Variants in TANK observed in about 807,000 individuals in gnomAD.
The protein encoded by TANK is TRAF family member associated NFKB activator.
A neutral mutation model predicts 43.6 loss-of-function variants in TANK; 15 were observed. The ratio of observed to expected loss-of-function variants is 0.34; its 90% CI spans 0.23 to 0.53. The LOEUF is 0.53. TANK is among the 20% of genes least tolerant of loss of function. TANK has a pLI of 0.94. For synonymous variants in TANK, 162 were observed against 178.2 expected (o/e 0.91, Z 0.73); for missense variants, 417 against 498.6 (o/e 0.84, Z 1.56).
intron 4 of TANK, among the ~76,000 whole-genome samples, chr2:161,217,586 T>TGTGA (rs1491492946): frequency 0.03 from 377 of 12,458 alleles, 2 homozygotes; most frequent in African/African-American, 0.06. Context: ...GTAGTTGGTT[T>TGTGA]GTGTGTGTGT....
intron 2 of TANK, among the ~76,000 whole-genome samples, chr2:161,195,745 A>G (rs1384243139): frequency 6.6e-6 from 1 of 152,110 alleles, no homozygotes; most frequent in East Asian, 1.9e-4. Context: ...TCCATTAAGG[A>G]TGTGGTAATA....
intron 1 of TANK, among the ~76,000 whole-genome samples, chr2:161,164,443 A>T (rs1422069001): frequency 6.6e-6 from 1 of 152,176 alleles, no homozygotes; most frequent in Non-Finnish European, 1.5e-5. Flanking sequence ...AAATACAGGG[A>T]AAGAGGAGGC....
At chr2:161,221,911 G>A (rs1484541495) in intron 4 of TANK, among the ~76,000 whole-genome samples, 1 of 152,050 alleles carries the variant, frequency 6.6e-6, no homozygotes, top group African/African-American at 2.4e-5. Context: ...GTTTAGATAC[G>A]TCATAGGAAT....
At position 161,179,679 on chromosome 2, in the gene TANK, G is replaced by A; in HGVS notation, c.17G>A (p.Gly6Asp). 1 of 1,613,166 alleles carries A rather than the reference G, an allele frequency of 6.2e-7. No individual in the cohort carries two copies. The change falls in exon 2 of 8, where the codon GGC becomes GAC. Residue 6 changes from glycine to aspartate, a missense_variant. Coordinates refer to ENST00000392749, the MANE Select transcript of TANK (RefSeq NM_001199135.3). ...CGAAGAGGAATGGATAAAAACATTG[G>A]CGAGCAACTCAATAAAGCGTATGAA... MDKNI[G>D]EQLNKAYEAF...
chr2:161,204,932 A>G, intron 4 of TANK, 139 bp downstream of exon 4: 5 of 1,444,682 alleles, frequency 3.5e-6, no homozygotes, highest in Non-Finnish European at 4.5e-6. Flanking sequence ...AATATTTCTA[A>G]ATAGAAGAAC....
Position 161,224,626 on chromosome 2 carries a change from T to C in TANK, c.405-5T>C, listed in dbSNP as rs780038987. Reference sequence around the variant, plus strand: ...ACATTTTAAAATGTTGATTTTTTTTTTTAGGGGTAATATAGAGAAGACTTT... The same window carrying C: ...ACATTTTAAAATGTTGATTTTTTTTCTTAGGGGTAATATAGAGAAGACTTT... On this transcript the variant is annotated splice_region_variant and splice_polypyrimidine_tract_variant and intron_variant, in intron 5 of 7. Transcript: ENST00000392749. 71 of 1,394,450 alleles carry C rather than the reference T, an allele frequency of 5.1e-5. No homozygotes were observed. The highest frequency in any genetic ancestry group is 6.3e-5 in the Non-Finnish European group (65 of 1,032,548). The allele number at this position is 1,394,450 out of a possible 1,614,324, so 86.4% of individuals were successfully genotyped here.
At chr2:161,185,660 A>T (rs1235430288) in intron 2 of TANK, among the ~76,000 whole-genome samples, 1 of 142,522 alleles carries the variant, frequency 7.0e-6, no homozygotes, top group African/African-American at 2.6e-5. Flanking sequence ...GGAATTGAAC[A>T]ATGAGATCAC....
intron 4 of TANK, chr2:161,219,839 C>A (rs1295177277): frequency 1.2e-5 from 5 of 400,952 alleles, no homozygotes; most frequent in Admixed American, 1.2e-4. Flanking sequence ...TCTCAAAAAT[C>A]TAAGTGACAA....
chr2:161,161,768 G>A (rs925525089), intron 1 of TANK: 1 of 189,638 alleles, frequency 5.3e-6, no homozygotes, highest in Non-Finnish European at 1.1e-5. Context: ...TGTCCTGTCC[G>A]TATATATTGC....
At chr2:161,185,438 G>A (rs779391389) in intron 2 of TANK, among the ~76,000 whole-genome samples, 11 of 151,838 alleles carry the variant, frequency 7.2e-5, no homozygotes, top group Non-Finnish European at 1.5e-4. Flanking sequence ...AAGCTTGACT[G>A]TGCAGAAGAT....
intron 5 of TANK, among the ~76,000 whole-genome samples, chr2:161,224,338 G>T (rs1196727670): frequency 2.0e-5 from 3 of 151,942 alleles, no homozygotes; most frequent in Non-Finnish European, 4.4e-5. Context: ...TCAATGCATT[G>T]AAATTTCTAA....
intron 2 of TANK, chr2:161,180,102 C>A: frequency 9.9e-7 from 1 of 1,006,904 alleles, no homozygotes; most frequent in Non-Finnish European, 1.2e-6. Context: ...TCACTGTCTC[C>A]ATTTGTTTGG....
chr2:161,188,479 A>G (rs1406393320), intron 2 of TANK, among the ~76,000 whole-genome samples: 1 of 152,216 alleles, frequency 6.6e-6, no homozygotes, highest in Admixed American at 6.6e-5. Flanking sequence ...AATCATGAAG[A>G]AAATGAAAAT....
chr2:161,213,472 G>A (rs1172890279), intron 4 of TANK, among the ~76,000 whole-genome samples: 3 of 151,890 alleles, frequency 2.0e-5, no homozygotes, highest in South Asian at 2.1e-4. Context: ...GCATGATGGT[G>A]GGTGCTTGTA....
intron 4 of TANK, among the ~76,000 whole-genome samples, chr2:161,219,527 A>G (rs1574055625): frequency 6.6e-6 from 1 of 152,336 alleles, no homozygotes; most frequent in Admixed American, 6.5e-5. Flanking sequence ...TGAGAGAACC[A>G]TAGATTTTAT....
chr2:161,163,784 A>G (rs933529156), intron 1 of TANK, among the ~76,000 whole-genome samples: 2 of 152,230 alleles, frequency 1.3e-5, no homozygotes, highest in Non-Finnish European at 2.9e-5. Context: ...AATCATTAGC[A>G]TAGTTCAGGT....
chr2:161,146,533 GCTGT>G (rs1358372951), intron 1 of TANK, among the ~76,000 whole-genome samples: 9 of 152,096 alleles, frequency 5.9e-5, no homozygotes, highest in Non-Finnish European at 1.2e-4. Context: ...TGTTGTTGTT[GCTGT>G]CTGTTTGTTT....
chr2:161,139,300 G>T lies in TANK; in HGVS notation c.-50+2237G>T, dbSNP rs57671799. Among the ~76,000 whole-genome samples the T allele has an allele frequency of 5.3e-3, 806 of 152,286 alleles. 7 individuals carry two copies. The highest frequency in any genetic ancestry group is 0.018 in the African/African-American group (747 of 41,550). ...GTTAACATTAAGAATGAGGTTGGCT[G>T]TTGGTTTGAGATAAGTACATTTATC... On this transcript the variant is annotated intron_variant, in intron 1 of 7. Transcript: ENST00000259075.
At chr2:161,160,669 A>G in intron 1 of TANK, 183 bp downstream of exon 1, 1 of 470,356 alleles carries the variant, frequency 2.1e-6, no homozygotes, top group Non-Finnish European at 3.7e-6. Flanking sequence ...AAACCACGCG[A>G]GTCCTTCCCC....
Sources: gnomAD v4.1 joint callset for allele counts (sites outside exome capture counted in the v4.1 genomes callset) on GRCh38, gnomAD v4.1.1 for gene constraint, MANE v1.5 for transcripts, NCBI Gene and HGNC (gene_info 2026-07-23, HGNC 2026-07-21) for gene names.